The following ADAM19 variants were observed in gnomAD, a reference collection of about 807,000 sequenced individuals.
ADAM19 encodes ADAM metallopeptidase domain 19.
In ADAM19, 65 loss-of-function variants were observed where a neutral mutation model predicts 114.7. The observed-to-expected ratio is 0.57, with a 90% confidence interval of 0.46 to 0.70. The LOEUF is 0.70. Ranked by LOEUF, ADAM19 falls within the 30% of genes least tolerant of loss-of-function variation. The pLI is 0.00. For missense variants in ADAM19, 1,063 were observed against 1,204.7 expected (o/e 0.88, Z 1.74); for synonymous variants, 466 against 460.5 (o/e 1.01, Z -0.15).
At chr5:157,523,531 C>A (rs1018429826) in intron 5 of ADAM19, among the ~76,000 whole-genome samples, 1 of 152,020 alleles carries the variant, frequency 6.6e-6, no homozygotes, top group Non-Finnish European at 1.5e-5. Context: ...GAGCCTGGCA[C>A]CTCCTCCCTT....
chr5:157,490,584 C>T lies in ADAM19; in HGVS notation c.2096-130G>A, dbSNP rs950982760. Reference sequence around the variant, plus strand: ...AATTTGTATTACTTATTTTAACTTACAAATTATAATTAAAAACACACATTA... The same window carrying T: ...AATTTGTATTACTTATTTTAACTTATAAATTATAATTAAAAACACACATTA... On this transcript the variant is annotated intron_variant, in intron 18 of 22. Transcript: ENST00000257527. 7.6e-6 allele frequency: 9 copies of T among 1,183,802 alleles called. No homozygotes were observed. In the African/African-American group the frequency reaches 1.2e-4, roughly 16 times the overall value. 73.3% of individuals were successfully genotyped at this position (1,183,802 alleles called of 1,614,324 possible). A position where few individuals can be genotyped will look rare whatever the true frequency, so the allele number is the denominator to read the frequency against.
At chr5:157,516,783 G>A (rs1257048390) in intron 7 of ADAM19, among the ~76,000 whole-genome samples, 3 of 152,134 alleles carry the variant, frequency 2.0e-5, no homozygotes, top group African/African-American at 4.8e-5. Context: ...CTCCCACTAC[G>A]GGCAGTCAGG....
At position 157,479,992 on chromosome 5, in the gene ADAM19, C is replaced by T; in HGVS notation, c.*957G>A. On this transcript the variant is annotated 3_prime_UTR_variant, in exon 23 of 23. Transcript: ENST00000257527. ...GGCCATGCCCCAAGTCTACTCTGGT[C>T]ACACTCCTGAGAGCCAGTGAGGGAA... The T allele has an allele frequency of 2.0e-6, 2 of 985,862 alleles. No individual in the cohort carries two copies. The highest frequency in any genetic ancestry group is 2.4e-6 in the Non-Finnish European group (2 of 829,934). The allele number at this position is 985,862 out of a possible 1,614,324, so 61.1% of individuals were successfully genotyped here. A position where few individuals can be genotyped will look rare whatever the true frequency, so the allele number is the denominator to read the frequency against.
At chr5:157,526,000 T>C (rs1756441645) in intron 5 of ADAM19, among the ~76,000 whole-genome samples, 1 of 152,116 alleles carries the variant, frequency 6.6e-6, no homozygotes, top group East Asian at 1.9e-4. Flanking sequence ...ACTTTCTATA[T>C]AATGAAACGT....
intron 1 of ADAM19, among the ~76,000 whole-genome samples, chr5:157,573,751 AAAAG>A (rs905955172): frequency 1.3e-5 from 2 of 152,056 alleles, no homozygotes; most frequent in African/African-American, 2.4e-5. Context: ...GAAAAAAAAA[AAAAG>A]AAAGAAAAGA....
intron 14 of ADAM19, among the ~76,000 whole-genome samples, chr5:157,495,242 C>T (rs1184386330): frequency 3.3e-5 from 5 of 151,960 alleles, no homozygotes; most frequent in Admixed American, 3.3e-4. Context: ...ACCTCATGAT[C>T]CCCCCGCCTC....
intron 14 of ADAM19, among the ~76,000 whole-genome samples, chr5:157,496,640 T>A (rs1755373970): frequency 6.6e-6 from 1 of 152,232 alleles, no homozygotes; most frequent in South Asian, 2.1e-4. Flanking sequence ...CTTCTCTGTC[T>A]CCATCCTCTG....
At chr5:157,535,029 T>C (rs1756723032) in intron 4 of ADAM19, among the ~76,000 whole-genome samples, 1 of 148,872 alleles carries the variant, frequency 6.7e-6, no homozygotes, top group Admixed American at 6.9e-5. Context: ...TCCTCTCAGT[T>C]TCCTCATCTG....
chr5:157,518,050 C>T (rs1362867776), intron 7 of ADAM19, among the ~76,000 whole-genome samples: 1 of 152,042 alleles, frequency 6.6e-6, no homozygotes, highest in Non-Finnish European at 1.5e-5. Context: ...TTTAGGTCAT[C>T]ATTTGGCATC....
At chr5:157,488,011 GAAGGTGGGT>G (rs1330676172) in intron 21 of ADAM19, among the ~76,000 whole-genome samples, 1 of 152,146 alleles carries the variant, frequency 6.6e-6, no homozygotes, top group African/African-American at 2.4e-5. Flanking sequence ...ATATGGGGTG[GAAGGTGGGT>G]AGTGGCTTGT....
intron 9 of ADAM19, among the ~76,000 whole-genome samples, chr5:157,508,564 C>T (rs1427965230): frequency 4.0e-5 from 6 of 151,200 alleles, no homozygotes; most frequent in Non-Finnish European, 8.8e-5. Flanking sequence ...CACGCTACTG[C>T]ACTCCAGCCT....
chr5:157,489,661 GAAAC>G (rs1447590787), intron 19 of ADAM19, among the ~76,000 whole-genome samples: 2 of 152,184 alleles, frequency 1.3e-5, no homozygotes, highest in Non-Finnish European at 2.9e-5. Context: ...TATACCAGAT[GAAAC>G]AAACTTTAAA....
chr5:157,573,934 T>C (rs1757898302), intron 1 of ADAM19, among the ~76,000 whole-genome samples: 1 of 152,222 alleles, frequency 6.6e-6, no homozygotes. Flanking sequence ...TACTCTCCTG[T>C]TTGCTACCTC....
Position 157,478,717 on chromosome 5 carries a change from C to T in ADAM19, c.*2232G>A, listed in dbSNP as rs1401263972. On this transcript the variant is annotated 3_prime_UTR_variant, in exon 23 of 23. Coordinates refer to ENST00000257527, the MANE Select transcript of ADAM19 (RefSeq NM_033274.5). ...AATTCCAAAACATTCCACCATCTTC[C>T]AGTTCACAGTACAACTTTATGGGAT... 1.0e-6 allele frequency: 1 copy of T among 985,726 alleles called. No homozygotes were observed. Among genetic ancestry groups the T allele is most frequent in the African/African-American group, 1.7e-5 (1 of 57,234 alleles). 61.1% of individuals were successfully genotyped at this position (985,726 alleles called of 1,614,324 possible).
rs374316856 is a variant in ADAM19 at position 157,482,458 on chromosome 5, T to C, written c.2551-515A>G. 2.0e-4 allele frequency among the ~76,000 whole-genome samples: 31 copies of C among 152,370 alleles called. No individual in the cohort carries two copies. The East Asian group carries it at 4.4e-3, about 22-fold the overall frequency. On this transcript the variant is annotated intron_variant, in intron 21 of 22. Transcript: ENST00000257527. Reference sequence around the variant, plus strand: ...TTTTGTTGCCATTGCTTTTGGTGTTTTAGTCATGAAGTCTTTGCCCATGCC... The same window carrying C: ...TTTTGTTGCCATTGCTTTTGGTGTTCTAGTCATGAAGTCTTTGCCCATGCC...
chr5:157,488,784 C>A (rs1168432934), intron 20 of ADAM19, among the ~76,000 whole-genome samples: 1 of 152,154 alleles, frequency 6.6e-6, no homozygotes, highest in Admixed American at 6.5e-5. Context: ...GTAATCCCAG[C>A]ATTTTGGGAG....
At chr5:157,529,951 G>A (rs981314149) in intron 5 of ADAM19, among the ~76,000 whole-genome samples, 2 of 151,954 alleles carry the variant, frequency 1.3e-5, no homozygotes, top group Non-Finnish European at 2.9e-5. Context: ...TTCATTAACC[G>A]TCCATTTCCT....
chr5:157,553,303 T>C (rs536513759), intron 3 of ADAM19, among the ~76,000 whole-genome samples: 1 of 152,334 alleles, frequency 6.6e-6, no homozygotes, highest in South Asian at 2.1e-4. Flanking sequence ...CGTAAATATA[T>C]ACACTTACTA....
At chr5:157,483,408 T>C (rs1754824815) in intron 21 of ADAM19, among the ~76,000 whole-genome samples, 1 of 152,062 alleles carries the variant, frequency 6.6e-6, no homozygotes, top group Non-Finnish European at 1.5e-5. Flanking sequence ...TGACAGATGA[T>C]ATAGCACTTA....
Sources: allele counts gnomAD v4.1 joint callset (sites outside exome capture counted in the v4.1 genomes callset), GRCh38; gene constraint gnomAD v4.1.1; transcripts MANE v1.5; gene names NCBI Gene and HGNC (gene_info 2026-07-23, HGNC 2026-07-21).